Variants in CRACDL observed in about 807,000 individuals in gnomAD.
CRACDL encodes the protein CRACD like.
Under a neutral mutation model 70.6 loss-of-function variants are expected in CRACDL, and 26 were observed. The ratio of observed to expected loss-of-function variants is 0.37; its 90% CI spans 0.27 to 0.51. The LOEUF (loss-of-function observed/expected upper bound fraction) is 0.51. Ranked by LOEUF, CRACDL falls within the 20% of genes least tolerant of loss-of-function variation. The probability of loss-of-function intolerance (pLI) is 0.94; values close to 1 mark genes in which losing one functional copy is unlikely to be tolerated. For synonymous variants in CRACDL, 618 were observed against 615.2 expected (o/e 1.00, Z -0.07); for missense variants, 1,283 against 1,376.9 (o/e 0.93, Z 1.08).
intron 1 of CRACDL, among the ~76,000 whole-genome samples, chr2:98,850,275 G>A (rs1369567407): frequency 6.6e-6 from 1 of 152,230 alleles, no homozygotes; most frequent in African/African-American, 2.4e-5. Flanking sequence ...TCCGGAGTCC[G>A]CAGGCTGCAA....
intron 2 of CRACDL, among the ~76,000 whole-genome samples, chr2:98,838,815 A>G (rs72811073): frequency 0.037 from 5,600 of 152,308 alleles, 137 homozygotes; most frequent in Middle Eastern, 0.065. Context: ...TTTTGGTGAG[A>G]AAAACAATGA....
At chr2:98,821,402 T>C (rs922768546) in intron 7 of CRACDL, among the ~76,000 whole-genome samples, 2 of 152,178 alleles carry the variant, frequency 1.3e-5, no homozygotes, top group Non-Finnish European at 2.9e-5. Context: ...AGGTTGGTGT[T>C]GAACTCCTGG....
chr2:98,887,584 C>T (rs114645197), intron 1 of CRACDL, among the ~76,000 whole-genome samples: 2,697 of 152,180 alleles, frequency 0.018, 88 homozygotes, highest in African/African-American at 0.061. Flanking sequence ...GAGAAAGGTG[C>T]AGAAAGAATA....
chr2:98,914,130 C>T (rs990779706), intron 1 of CRACDL, among the ~76,000 whole-genome samples: 9 of 152,248 alleles, frequency 5.9e-5, no homozygotes, highest in African/African-American at 1.9e-4. Flanking sequence ...TGACTAGGAG[C>T]CAGGAAGCCG....
intron 1 of CRACDL, among the ~76,000 whole-genome samples, chr2:98,861,827 C>T (rs1417693256): frequency 3.9e-5 from 6 of 152,154 alleles, no homozygotes; most frequent in Non-Finnish European, 8.8e-5. Context: ...TCCACCCATC[C>T]CCCCACTTCT....
chr2:98,796,311 CAG>C (rs1559195921), intron 8 of CRACDL, 47 bp from the exon 9 acceptor site: 1 of 1,578,472 alleles, frequency 6.3e-7, no homozygotes, highest in Admixed American at 1.7e-5. Context: ...ATGATTCAGA[CAG>C]GGGCAAACAC....
intron 1 of CRACDL, among the ~76,000 whole-genome samples, chr2:98,866,979 C>T (rs1004432047): frequency 6.6e-6 from 1 of 152,086 alleles, no homozygotes; most frequent in African/African-American, 2.4e-5. Flanking sequence ...GCAGACCCCT[C>T]GGTTTGGGAG....
intron 1 of CRACDL, chr2:98,869,050 AC>A: frequency 7.8e-7 from 1 of 1,289,180 alleles, no homozygotes; most frequent in East Asian, 5.6e-5. Context: ...ACTCTCCCCC[AC>A]CACCTCTTTG....
intron 1 of CRACDL, among the ~76,000 whole-genome samples, chr2:98,912,262 G>A (rs75248951): frequency 0.026 from 3,994 of 152,362 alleles, 170 homozygotes; most frequent in South Asian, 0.18. Flanking sequence ...TTCGCAAAGA[G>A]TGAAAGAACA....
Position 98,869,215 on chromosome 2 carries a change from C to T in CRACDL, c.-10-22405G>A. On this transcript the variant is annotated intron_variant, in intron 1 of 9. Transcript: ENST00000397899. ...CCTTTCCTCTGAGTGGCCTAGGGCC[C>T]ACGGGTCACCACTGGTTGCTGATCA... 3 of 1,300,270 alleles carry T rather than the reference C, an allele frequency of 2.3e-6. No individual in the cohort carries two copies. The South Asian group carries it at 3.7e-5, about 16-fold the overall frequency. The allele number at this position is 1,300,270 out of a possible 1,614,324, so 80.5% of individuals were successfully genotyped here.
At chr2:98,874,499 A>G (rs1206409012) in intron 1 of CRACDL, among the ~76,000 whole-genome samples, 1 of 152,214 alleles carries the variant, frequency 6.6e-6, no homozygotes, top group African/African-American at 2.4e-5. Flanking sequence ...TCGTGGGGCC[A>G]GTCTCCCTCC....
intron 2 of CRACDL, chr2:98,840,808 T>C (rs1023570189): frequency 3.3e-5 from 5 of 152,162 alleles, no homozygotes; most frequent in Admixed American, 6.5e-5. Flanking sequence ...TTTTGTGAAA[T>C]GGCCCTTTTT....
intron 1 of CRACDL, among the ~76,000 whole-genome samples, chr2:98,918,404 AT>A (rs1414247789): frequency 8.6e-5 from 13 of 151,930 alleles, no homozygotes; most frequent in Admixed American, 5.2e-4. Flanking sequence ...ATGGTGGTAC[AT>A]GTCTGTAATC....
At chr2:98,831,126 C>A (rs1305317185) in intron 5 of CRACDL, among the ~76,000 whole-genome samples, 1 of 152,222 alleles carries the variant, frequency 6.6e-6, no homozygotes, top group Non-Finnish European at 1.5e-5. Context: ...CTCCCTTCTG[C>A]TCGAGGCTGG....
rs558093482 is a variant in CRACDL at position 98,919,339 on chromosome 2, G to C, written c.-11+16599C>G. Among the ~76,000 whole-genome samples, 15 of 152,186 alleles carry C rather than the reference G, an allele frequency of 9.9e-5. No individual in the cohort carries two copies. The South Asian group carries it at 2.9e-3, about 30-fold the overall frequency. On this transcript the variant is annotated intron_variant, in intron 1 of 9. Coordinates refer to ENST00000397899, the MANE Select transcript of CRACDL (RefSeq NM_207362.3). ...TTTTTAGGTTCCTTATTAATTTCAG[G>C]ACAATTTTTTCCTTTTGCAAACTAA...
intron 1 of CRACDL, among the ~76,000 whole-genome samples, chr2:98,901,264 C>A (rs114832282): frequency 6.6e-6 from 1 of 152,194 alleles, no homozygotes; most frequent in African/African-American, 2.4e-5. Context: ...CCATTTTGAC[C>A]ATGATGGGCC....
At chr2:98,816,500 G>A (rs770908689) in intron 7 of CRACDL, among the ~76,000 whole-genome samples, 30 of 152,166 alleles carry the variant, frequency 2.0e-4, no homozygotes, top group Non-Finnish European at 4.3e-4. Context: ...TGCTGGAGGT[G>A]GCATTGACAA....
intron 1 of CRACDL, among the ~76,000 whole-genome samples, chr2:98,899,239 C>T (rs563008086): frequency 2.0e-5 from 3 of 152,348 alleles, no homozygotes; most frequent in South Asian, 2.1e-4. Flanking sequence ...GCCTGCGGGC[C>T]GCTGGGCCAC....
At chr2:98,857,542 T>C (rs1021053194) in intron 1 of CRACDL, among the ~76,000 whole-genome samples, 3 of 152,010 alleles carry the variant, frequency 2.0e-5, no homozygotes, top group African/African-American at 7.2e-5. Context: ...GATCAGCTAC[T>C]AAAAAATAAC....
Sources: allele counts gnomAD v4.1 joint callset (sites outside exome capture counted in the v4.1 genomes callset), GRCh38; gene constraint gnomAD v4.1.1; transcripts MANE v1.5; gene names NCBI Gene and HGNC (gene_info 2026-07-23, HGNC 2026-07-21).